Variants in MAML2 observed in about 807,000 individuals in gnomAD.
MAML2 encodes mastermind like transcriptional coactivator 2.
A neutral mutation model predicts 96.1 loss-of-function variants in MAML2; 22 were observed. The ratio of observed to expected loss-of-function variants is 0.23; its 90% CI spans 0.16 to 0.33. The LOEUF (loss-of-function observed/expected upper bound fraction) is 0.33, where lower values mean the gene tolerates loss of function less well. Ranked by LOEUF, MAML2 falls within the 10% of genes least tolerant of loss-of-function variation. The probability of loss-of-function intolerance (pLI) is 1.00; values close to 1 mark genes in which losing one functional copy is unlikely to be tolerated. For missense variants in MAML2, 1,367 were observed against 1,392.4 expected, an observed-to-expected ratio of 0.98 and a Z score of 0.29; for synonymous variants, 561 against 521.3, an observed-to-expected ratio of 1.08 and a Z score of -1.04.
intron 1 of MAML2, among the ~76,000 whole-genome samples, chr11:96,331,073 C>T (rs948757469): frequency 1.3e-5 from 2 of 152,054 alleles, no homozygotes; most frequent in African/African-American, 2.4e-5. Flanking sequence ...AGTTTGAGAC[C>T]AGCCTGGGCA....
intron 1 of MAML2, among the ~76,000 whole-genome samples, chr11:96,243,491 C>A (rs577243611): frequency 1.3e-5 from 2 of 152,300 alleles, no homozygotes; most frequent in South Asian, 4.1e-4. Context: ...GGAGCCAGAC[C>A]CCAGCCGCGC....
At chr11:96,067,311 C>G (rs187516656) in intron 2 of MAML2, among the ~76,000 whole-genome samples, 1 of 152,340 alleles carries the variant, frequency 6.6e-6, no homozygotes, top group East Asian at 1.9e-4. Context: ...CTTTTAAAAA[C>G]AACTCTTCAA....
intron 2 of MAML2, among the ~76,000 whole-genome samples, chr11:96,056,843 T>C (rs1859078199): frequency 6.6e-6 from 1 of 152,208 alleles, no homozygotes; most frequent in African/African-American, 2.4e-5. Flanking sequence ...GCACAAATCT[T>C]TTCATTCAAA....
intron 2 of MAML2, 69 bp from the exon 3 acceptor site, chr11:95,991,792 A>C: frequency 1.5e-5 from 18 of 1,162,698 alleles, no homozygotes; most frequent in Non-Finnish European, 2.2e-5. Context: ...CACAAAGATC[A>C]TACACTCAGA....
At chr11:96,308,283 G>A (rs1030638576) in intron 1 of MAML2, among the ~76,000 whole-genome samples, 6 of 150,646 alleles carry the variant, frequency 4.0e-5, no homozygotes, top group Non-Finnish European at 7.4e-5. Context: ...CCACAAGGAG[G>A]AAAAAAAAAT....
At chr11:95,986,890 A>G (rs1259638426) in intron 3 of MAML2, among the ~76,000 whole-genome samples, 1 of 152,186 alleles carries the variant, frequency 6.6e-6, no homozygotes, top group Non-Finnish European at 1.5e-5. Context: ...TTTGGAAGCT[A>G]AGAGAAAAAA....
intron 1 of MAML2, among the ~76,000 whole-genome samples, chr11:96,338,400 G>A (rs542989588): frequency 5.9e-5 from 9 of 152,382 alleles, no homozygotes; most frequent in African/African-American, 1.9e-4. Flanking sequence ...AGTAAGGGCT[G>A]TAGAATTAGG....
intron 2 of MAML2, among the ~76,000 whole-genome samples, chr11:96,012,147 A>T (rs1397570261): frequency 6.6e-6 from 1 of 152,196 alleles, no homozygotes; most frequent in East Asian, 1.9e-4. Flanking sequence ...GCATTTGGTA[A>T]ACAGAATGCC....
intron 1 of MAML2, among the ~76,000 whole-genome samples, chr11:96,214,380 G>A (rs1757072867): frequency 6.6e-6 from 1 of 152,178 alleles, no homozygotes; most frequent in South Asian, 2.1e-4. Context: ...CAGAGCTTCA[G>A]TTTTCAAAAC....
In MAML2 at chr11:95,979,443, T is replaced by C; in HGVS notation, c.2976A>G (p.Ala992=). 6.2e-7 allele frequency: 1 copy of C among 1,613,696 alleles called. No individual in the cohort carries two copies. The highest frequency in any genetic ancestry group is 8.5e-7 in the Non-Finnish European group (1 of 1,179,762). ...AGVRFPTGTP[A]AYTPNQSLQQ... ...GCAGTGACTGATTTGGGGTATAGGCTGCAGGTGTACCTGTGGGGAAGCGGA... is the reference window on the plus strand; with the variant it reads ...GCAGTGACTGATTTGGGGTATAGGCCGCAGGTGTACCTGTGGGGAAGCGGA... Residue 992 remains alanine (A), a synonymous_variant, in exon 5 of 5, where the codon GCA becomes GCG. Transcript: ENST00000524717.
chr11:96,287,650 G>A (rs189226874), intron 1 of MAML2, among the ~76,000 whole-genome samples: 4 of 152,220 alleles, frequency 2.6e-5, no homozygotes, highest in East Asian at 1.9e-4. Context: ...TCATGGTCCC[G>A]ACAGACAATC....
At chr11:96,054,016 T>C (rs768126353) in intron 2 of MAML2, among the ~76,000 whole-genome samples, 22 of 152,104 alleles carry the variant, frequency 1.4e-4, no homozygotes, top group Non-Finnish European at 2.9e-4. Flanking sequence ...TGTTTTATAT[T>C]CCATTGGGAG....
chr11:96,193,688 T>C (rs1439529284), intron 1 of MAML2, among the ~76,000 whole-genome samples: 1 of 152,208 alleles, frequency 6.6e-6, no homozygotes, highest in Admixed American at 6.5e-5. Flanking sequence ...AAAAAAGGAA[T>C]TTTTTCTTTG....
chr11:96,252,185 A>C (rs1264413261), intron 1 of MAML2, among the ~76,000 whole-genome samples: 1 of 152,002 alleles, frequency 6.6e-6, no homozygotes, highest in Non-Finnish European at 1.5e-5. Flanking sequence ...ACACACACAC[A>C]CACACACACC....
chr11:96,179,578 G>C lies in MAML2; in HGVS notation c.514-86061C>G, dbSNP rs77292053. 2.6e-3 allele frequency among the ~76,000 whole-genome samples: 394 copies of C among 152,262 alleles called. 1 individual carries two copies. Among genetic ancestry groups the C allele is most frequent in the African/African-American group, 8.8e-3 (364 of 41,538 alleles). On this transcript the variant is annotated intron_variant, in intron 1 of 4. Transcript: ENST00000524717. ...CAGCTTGGGACTCTGCAAAAGTCAG[G>C]ATCCTGCTCCAGGTCTCTGAAGGTT...
chr11:96,336,927 G>A (rs1215305125), intron 1 of MAML2, among the ~76,000 whole-genome samples: 1 of 152,158 alleles, frequency 6.6e-6, no homozygotes, highest in African/African-American at 2.4e-5. Flanking sequence ...TTCAAAGAAA[G>A]CAGATGCCTT....
chr11:96,176,298 A>C (rs1446770037), intron 1 of MAML2, among the ~76,000 whole-genome samples: 1 of 152,264 alleles, frequency 6.6e-6, no homozygotes, highest in Non-Finnish European at 1.5e-5. Flanking sequence ...GATAGATTTC[A>C]ATGTTTAACT....
intron 2 of MAML2, among the ~76,000 whole-genome samples, chr11:96,043,829 A>G (rs1293826473): frequency 6.6e-6 from 1 of 152,262 alleles, no homozygotes; most frequent in Non-Finnish European, 1.5e-5. Context: ...AAAAACACAC[A>G]GTAACTATCC....
At chr11:96,002,685 T>TAATAA (rs1554994167) in intron 2 of MAML2, among the ~76,000 whole-genome samples, 9 of 69,292 alleles carry the variant, frequency 1.3e-4, no homozygotes, top group Non-Finnish European at 2.4e-4. Context: ...ATGATGGGGA[T>TAATAA]GGTGGGGAGC....
Sources: gnomAD v4.1 joint callset for allele counts (sites outside exome capture counted in the v4.1 genomes callset) on GRCh38, gnomAD v4.1.1 for gene constraint, MANE v1.5 for transcripts, NCBI Gene and HGNC (gene_info 2026-07-23, HGNC 2026-07-21) for gene names.